LGR6: variants seen among roughly 807,000 people sequenced by gnomAD.
LGR6 encodes the protein leucine rich repeat containing G protein-coupled receptor 6, also known as leucine-rich repeat-containing G protein-coupled receptor 6.
LGR6 carries 45 observed loss-of-function variants against 69.4 expected under a neutral mutation model. That is an observed-to-expected ratio of 0.65 (90% CI 0.51 to 0.83). The LOEUF is 0.83. Among genes scored for constraint, LGR6 ranks in the 40% least tolerant of loss-of-function variants. LGR6 has a pLI of 0.00. For missense variants in LGR6, 1,108 were observed against 1,246.7 expected, an observed-to-expected ratio of 0.89 and a Z score of 1.68; for synonymous variants, 538 against 555.0, an observed-to-expected ratio of 0.97 and a Z score of 0.43.
Position 202,274,643 on chromosome 1 carries a change from G to T in LGR6, c.429-1663G>T, listed in dbSNP as rs1665388757. Among the ~76,000 whole-genome samples, 6 of 152,120 alleles carry T rather than the reference G, an allele frequency of 3.9e-5. No individual in the cohort carries two copies. In the South Asian group the frequency reaches 1.2e-3, roughly 32 times the overall value. The stretch of plus-strand genomic sequence containing the variant: ...TTCTGATTTAGTAAGTCTGGGGTGG[G>T]GCCTAAGATTCTGCATTTCTAACAA... On this transcript the variant is annotated intron_variant, in intron 4 of 17. Transcript: ENST00000367278.
At chr1:202,307,668 G>A (rs1003087949) in intron 14 of LGR6, among the ~76,000 whole-genome samples, 1 of 152,026 alleles carries the variant, frequency 6.6e-6, no homozygotes, top group Admixed American at 6.6e-5. Flanking sequence ...CCCCTGCCTC[G>A]GTCCCATCCC....
chr1:202,304,676 C>A (rs1412617084), intron 11 of LGR6, 46 bp downstream of exon 11: 1 of 1,480,006 alleles, frequency 6.8e-7, no homozygotes, highest in Non-Finnish European at 9.4e-7. Flanking sequence ...GTGCCCCTAC[C>A]CCCATGTCCC....
At chr1:202,283,575 C>T (rs1666174742) in intron 6 of LGR6, among the ~76,000 whole-genome samples, 1 of 152,200 alleles carries the variant, frequency 6.6e-6, no homozygotes, top group Admixed American at 6.5e-5. Flanking sequence ...TGCGGTTTGG[C>T]TGGAGCTGTG....
intron 16 of LGR6, among the ~76,000 whole-genome samples, chr1:202,314,027 ACCTAC>A (rs1486781848): frequency 2.6e-5 from 4 of 152,150 alleles, no homozygotes; most frequent in Non-Finnish European, 5.9e-5. Context: ...GCAGATGTGG[ACCTAC>A]TCTGCACCTG....
In LGR6 at chr1:202,319,335, C is replaced by T; in HGVS notation, c.*128C>T. ...TGATCTATAGCAGGATGGCCCAGTC[C>T]CTGGCTCCACTGATCACCTCTCTCC... On this transcript the variant is annotated 3_prime_UTR_variant, in exon 18 of 18. Transcript: ENST00000367278. The T allele has an allele frequency of 1.0e-6, 1 of 992,894 alleles. No individual in the cohort carries two copies. 61.5% of individuals were successfully genotyped at this position (992,894 alleles called of 1,614,324 possible). A position where few individuals can be genotyped will look rare whatever the true frequency, so the allele number is the denominator to read the frequency against.
At chr1:202,271,080 CG>C (rs1665058182) in intron 4 of LGR6, among the ~76,000 whole-genome samples, 1 of 152,136 alleles carries the variant, frequency 6.6e-6, no homozygotes. Context: ...CGTGGGAGAA[CG>C]AGAGGCGCTG....
At chr1:202,291,475 C>A (rs1382811017) in intron 6 of LGR6, among the ~76,000 whole-genome samples, 1 of 152,200 alleles carries the variant, frequency 6.6e-6, no homozygotes, top group Non-Finnish European at 1.5e-5. Context: ...CCAAAGGAGC[C>A]CCCATCTTGA....
intron 3 of LGR6, among the ~76,000 whole-genome samples, chr1:202,233,178 G>A (rs1417503384): frequency 6.6e-6 from 1 of 152,216 alleles, no homozygotes; most frequent in African/African-American, 2.4e-5. Context: ...TACAGTGTCT[G>A]TATTGGGAGG....
At chr1:202,223,211 C>A (rs1660288942) in intron 1 of LGR6, among the ~76,000 whole-genome samples, 1 of 152,224 alleles carries the variant, frequency 6.6e-6, no homozygotes, top group African/African-American at 2.4e-5. Context: ...GACCGGCAAG[C>A]CCAGAGGTGT....
intron 1 of LGR6, among the ~76,000 whole-genome samples, chr1:202,199,175 G>A (rs1658747655): frequency 6.6e-6 from 1 of 151,830 alleles, no homozygotes; most frequent in Admixed American, 6.5e-5. Flanking sequence ...AAGCTCCCCG[G>A]GAGAGCTGCT....
At chr1:202,275,808 C>T (rs1335658139) in intron 4 of LGR6, among the ~76,000 whole-genome samples, 1 of 152,158 alleles carries the variant, frequency 6.6e-6, no homozygotes, top group Non-Finnish European at 1.5e-5. Context: ...CTTGGACTAT[C>T]ATAGAACAGT....
rs771259141 is a variant in LGR6, at chr1:202,314,795, C to G, written c.1568-7C>G. ...AGGACCCTGCATCACTTTGTCTCTC[C>G]TTTCAGATGACCAGGACCTGGATGA... On this transcript the variant is annotated splice_region_variant and splice_polypyrimidine_tract_variant and intron_variant, in intron 16 of 17. Transcript: ENST00000367278. The G allele has an allele frequency of 3.7e-6, 6 of 1,612,268 alleles. No individual in the cohort carries two copies. The East Asian group carries it at 1.3e-4, about 36-fold the overall frequency.
Position 202,276,471 on chromosome 1 carries a change from C to T in LGR6, c.594C>T (p.Ile198=). 2 of 1,614,226 alleles carry T rather than the reference C, an allele frequency of 1.2e-6. No homozygotes were observed. Among genetic ancestry groups the T allele is most frequent in the East Asian group, 2.2e-5 (1 of 44,878 alleles). ...CCATGACCCTGGCCCTCAACCGCATCAGCCACATCCCCGACTACGCGTTCC... is the reference window on the plus strand; with the variant it reads ...CCATGACCCTGGCCCTCAACCGCATTAGCCACATCCCCGACTACGCGTTCC... The part of the protein sequence containing the change: ...LQAMTLALNR[I]SHIPDYAFQN... Residue 198 remains isoleucine (I), a synonymous_variant, in exon 5 of 18, where the codon ATC becomes ATT. Coordinates refer to ENST00000367278, the MANE Select transcript of LGR6 (RefSeq NM_001017403.2).
At chr1:202,205,463 A>AC (rs1659161979) in intron 1 of LGR6, among the ~76,000 whole-genome samples, 1 of 9,104 alleles carries the variant, frequency 1.1e-4, no homozygotes, top group Non-Finnish European at 2.2e-4. Context: ...CACACCTCCA[A>AC]ACACACACAC....
At chr1:202,242,575 T>C (rs1662303314) in intron 4 of LGR6, among the ~76,000 whole-genome samples, 1 of 152,256 alleles carries the variant, frequency 6.6e-6, no homozygotes, top group African/African-American at 2.4e-5. Flanking sequence ...TTATGCTTAC[T>C]GGGTGCTTGC....
At chr1:202,209,684 G>A (rs1659387030) in intron 1 of LGR6, among the ~76,000 whole-genome samples, 1 of 152,210 alleles carries the variant, frequency 6.6e-6, no homozygotes, top group Admixed American at 6.5e-5. Flanking sequence ...GGATTCCCTT[G>A]GATATCCTAA....
intron 1 of LGR6, chr1:202,214,272 G>A (rs1349886199): frequency 1.3e-6 from 2 of 1,509,530 alleles, no homozygotes; most frequent in African/African-American, 2.9e-5. Context: ...GCTCCGGAAA[G>A]TTCCACAGGT....
chr1:202,296,872 T>A (rs542391140), intron 6 of LGR6, among the ~76,000 whole-genome samples: 38 of 152,356 alleles, frequency 2.5e-4, no homozygotes, highest in African/African-American at 9.1e-4. Flanking sequence ...TAATAATTTA[T>A]CAGGATGCTT....
At chr1:202,272,036 G>A (rs1665149727) in intron 4 of LGR6, among the ~76,000 whole-genome samples, 1 of 152,094 alleles carries the variant, frequency 6.6e-6, no homozygotes, top group African/African-American at 2.4e-5. Context: ...CTACATCTGT[G>A]TGATGGCAAA....
Sources: allele counts gnomAD v4.1 joint callset (sites outside exome capture counted in the v4.1 genomes callset), GRCh38; gene constraint gnomAD v4.1.1; transcripts MANE v1.5; gene names NCBI Gene and HGNC (gene_info 2026-07-23, HGNC 2026-07-21).